Variants in VPS8 observed in about 807,000 individuals in gnomAD.
VPS8 encodes the protein vacuolar protein sorting-associated protein 8 homolog.
VPS8 carries 129 observed loss-of-function variants against 216.4 expected under a neutral mutation model. That is an observed-to-expected ratio of 0.60 (90% CI 0.52 to 0.69). The LOEUF is 0.69. VPS8 is among the 30% of genes least tolerant of loss of function. The pLI is 0.00. For missense variants in VPS8, 1,531 were observed against 1,683.5 expected (o/e 0.91, Z 1.59); for synonymous variants, 571 against 565.4 (o/e 1.01, Z -0.14).
Position 184,849,189 on chromosome 3 carries a change from A to G in VPS8, c.660A>G (p.Lys220=), listed in dbSNP as rs765543515. ...CAAGACTTCTTTGTGGCTTTGCTAA[A>G]GGACAGGTAAGATATGAACCTCCTT... The part of the protein sequence containing the change: ...DCSRLLCGFA[K]GQITMWDLAS... The change falls in exon 9 of 48, where the codon AAA becomes AAG. Residue 220 remains lysine, a synonymous_variant. Transcript: ENST00000625842. 6.2e-7 allele frequency: 1 copy of G among 1,613,062 alleles called. No individual in the cohort carries two copies. The highest frequency in any genetic ancestry group is 8.5e-7 in the Non-Finnish European group (1 of 1,179,262).
At chr3:184,939,403 TAAA>T (rs929917521) in intron 35 of VPS8, among the ~76,000 whole-genome samples, 4 of 151,952 alleles carry the variant, frequency 2.6e-5, no homozygotes, top group Non-Finnish European at 5.9e-5. Context: ...TGTCAAAAAA[TAAA>T]AAAACAAAGA....
intron 28 of VPS8, among the ~76,000 whole-genome samples, chr3:184,919,872 G>T (rs1163386889): frequency 1.3e-5 from 2 of 151,446 alleles, no homozygotes; most frequent in African/African-American, 2.4e-5. Context: ...TATGGACTTT[G>T]CCTTCCTTCC....
chr3:185,022,488 C>G (rs1249345815), intron 45 of VPS8, among the ~76,000 whole-genome samples: 1 of 152,108 alleles, frequency 6.6e-6, no homozygotes, highest in East Asian at 1.9e-4. Context: ...TAAGGCTATT[C>G]ATATTTTCTG....
intron 21 of VPS8, among the ~76,000 whole-genome samples, chr3:184,871,815 A>G (rs899457954): frequency 2.6e-5 from 4 of 152,208 alleles, no homozygotes; most frequent in South Asian, 2.1e-4. Context: ...CACAGGTCCT[A>G]TCTTTTCATA....
chr3:184,878,453 C>T (rs1729674958), intron 21 of VPS8, among the ~76,000 whole-genome samples: 1 of 152,160 alleles, frequency 6.6e-6, no homozygotes, highest in African/African-American at 2.4e-5. Context: ...ACTAAGCTCT[C>T]CTTCCAGCTT....
At chr3:184,903,230 A>G (rs1734887577) in intron 25 of VPS8, among the ~76,000 whole-genome samples, 1 of 152,120 alleles carries the variant, frequency 6.6e-6, no homozygotes, top group Admixed American at 6.5e-5. Flanking sequence ...AAGTCCTACA[A>G]TATTGTTTTT....
At chr3:185,001,547 C>T (rs976675135) in intron 45 of VPS8, among the ~76,000 whole-genome samples, 2 of 152,196 alleles carry the variant, frequency 1.3e-5, no homozygotes, top group Non-Finnish European at 1.5e-5. Flanking sequence ...CCTAGCACAT[C>T]AATGTCTACA....
chr3:184,864,229 A>G lies in VPS8; in HGVS notation c.1395+1162A>G, dbSNP rs554007790. ...TGGACATCTGTAGTGATGGACAGCA[A>G]TCTCTCACCAAATGGGGAACAAATG... On this transcript the variant is annotated intron_variant, in intron 16 of 47. Coordinates refer to ENST00000625842, the MANE Select transcript of VPS8 (RefSeq NM_001009921.3). Among the ~76,000 whole-genome samples the G allele has an allele frequency of 2.0e-4, 31 of 152,248 alleles. No individual in the cohort carries two copies. The South Asian group carries it at 4.8e-3, about 23-fold the overall frequency.
At chr3:184,994,853 T>TTCC (rs1299618562) in intron 43 of VPS8, among the ~76,000 whole-genome samples, 1 of 152,238 alleles carries the variant, frequency 6.6e-6, no homozygotes, top group Admixed American at 6.5e-5. Context: ...TTATTGGACT[T>TTCC]ACAGTTCCAG....
At chr3:184,881,670 A>G (rs1020451243) in intron 21 of VPS8, among the ~76,000 whole-genome samples, 2 of 152,070 alleles carry the variant, frequency 1.3e-5, no homozygotes, top group East Asian at 3.8e-4. Flanking sequence ...GTCTATATCT[A>G]TGAAAAATCT....
intron 35 of VPS8, among the ~76,000 whole-genome samples, 169 bp from the exon 36 acceptor site, chr3:184,940,028 C>T (rs1304641142): frequency 6.6e-6 from 1 of 152,108 alleles, no homozygotes; most frequent in Non-Finnish European, 1.5e-5. Flanking sequence ...ATTGAGAAGA[C>T]ATAACCTCCA....
intron 45 of VPS8, among the ~76,000 whole-genome samples, chr3:185,020,638 T>C (rs1001299306): frequency 3.3e-5 from 5 of 152,164 alleles, no homozygotes; most frequent in Non-Finnish European, 7.3e-5. Flanking sequence ...TCCAGGCTAA[T>C]TTTTAAATTT....
At chr3:184,940,512 A>G (rs1049075230) in intron 36 of VPS8, among the ~76,000 whole-genome samples, 1 of 152,162 alleles carries the variant, frequency 6.6e-6, no homozygotes, top group African/African-American at 2.4e-5. Context: ...AAGCCATGCC[A>G]CAAGGACATG....
intron 13 of VPS8, among the ~76,000 whole-genome samples, chr3:184,854,555 G>T (rs1318780090): frequency 2.0e-5 from 3 of 152,154 alleles, no homozygotes; most frequent in Non-Finnish European, 2.9e-5. Flanking sequence ...CCTTCTGAGT[G>T]CAGTAAAATT....
chr3:185,048,938 G>GT (rs1713578834), intron 47 of VPS8, among the ~76,000 whole-genome samples: 1 of 152,192 alleles, frequency 6.6e-6, no homozygotes, highest in Non-Finnish European at 1.5e-5. Context: ...GGTTGAATTA[G>GT]TTTTGGCCAT....
chr3:184,919,089 A>G (rs369434636), intron 28 of VPS8: 1 of 152,242 alleles, frequency 6.6e-6, no homozygotes, highest in African/African-American at 2.4e-5. Context: ...GGAAGGACAT[A>G]CTAATAAGAG....
At chr3:185,048,769 C>T (rs563958509) in intron 47 of VPS8, among the ~76,000 whole-genome samples, 1 of 152,130 alleles carries the variant, frequency 6.6e-6, no homozygotes, top group African/African-American at 2.4e-5. Flanking sequence ...GCTGTCTGTC[C>T]CCTACGTACC....
At chr3:184,972,573 A>G (rs1748600721) in intron 40 of VPS8, among the ~76,000 whole-genome samples, 1 of 152,212 alleles carries the variant, frequency 6.6e-6, no homozygotes, top group Non-Finnish European at 1.5e-5. Flanking sequence ...AATTAAATTA[A>G]AGTCTCTGGG....
At chr3:184,882,688 A>G (rs1160138586) in intron 21 of VPS8, among the ~76,000 whole-genome samples, 1 of 152,156 alleles carries the variant, frequency 6.6e-6, no homozygotes, top group South Asian at 2.1e-4. Context: ...CCATCTAAAC[A>G]TGGAGATTTA....
Sources: allele counts gnomAD v4.1 joint callset (sites outside exome capture counted in the v4.1 genomes callset), GRCh38; gene constraint gnomAD v4.1.1; transcripts MANE v1.5; gene names NCBI Gene and HGNC (gene_info 2026-07-23, HGNC 2026-07-21).